Variants in MAP4K4 observed in about 807,000 individuals in gnomAD.
MAP4K4 encodes mitogen-activated protein kinase kinase kinase kinase 4.
In MAP4K4, 38 loss-of-function variants were observed where a neutral mutation model predicts 189.6. The ratio of observed to expected loss-of-function variants is 0.20; its 90% CI spans 0.15 to 0.26. MAP4K4 has a LOEUF of 0.26. Ranked by LOEUF, MAP4K4 falls within the 10% of genes least tolerant of loss-of-function variation. The pLI, the probability that MAP4K4 is intolerant of heterozygous loss-of-function variation, is 1.00. For synonymous variants in MAP4K4, 610 were observed against 624.3 expected, an observed-to-expected ratio of 0.98 and a Z score of 0.34; for missense variants, 1,054 against 1,726.9, an observed-to-expected ratio of 0.61 and a Z score of 6.91.
intron 5 of MAP4K4, among the ~76,000 whole-genome samples, chr2:101,828,698 A>G (rs1317926741): frequency 6.6e-6 from 1 of 152,222 alleles, no homozygotes; most frequent in African/African-American, 2.4e-5. Context: ...GGATTGAGAC[A>G]TTTTAGAGTA....
chr2:101,721,257 C>A (rs888574886), intron 2 of MAP4K4, among the ~76,000 whole-genome samples: 1 of 151,972 alleles, frequency 6.6e-6, no homozygotes, highest in Non-Finnish European at 1.5e-5. Flanking sequence ...AATTCAAAAT[C>A]CACTTCTGAA....
At chr2:101,893,205 C>T (rs141957396) in exon 33 of MAP4K4, 18 of 456,406 alleles carry the variant, frequency 3.9e-5, no homozygotes, top group African/African-American at 1.8e-4. Flanking sequence ...AAGACAAGTA[C>T]ATCCACTCAT....
chr2:101,886,265 G>A (rs562275546), intron 29 of MAP4K4, among the ~76,000 whole-genome samples: 8 of 152,168 alleles, frequency 5.3e-5, no homozygotes, highest in Middle Eastern at 6.8e-3. Flanking sequence ...TTTCATTATC[G>A]TAGTCTCGTG....
At chr2:101,840,096 G>T in intron 10 of MAP4K4, 102 bp downstream of exon 10, 1 of 1,147,292 alleles carries the variant, frequency 8.7e-7, no homozygotes, top group East Asian at 2.5e-5. Context: ...GTGCTCACTT[G>T]GCCAGTGCTT....
chr2:101,822,374 A>T (rs875565), intron 3 of MAP4K4, among the ~76,000 whole-genome samples: 36,930 of 152,050 alleles, frequency 0.24, 5,433 homozygotes, highest in Non-Finnish European at 0.31. Context: ...CTAAAACGTT[A>T]TGTAGTGCAT....
At chr2:101,879,547 A>T (rs958125395) in intron 27 of MAP4K4, among the ~76,000 whole-genome samples, 1 of 152,162 alleles carries the variant, frequency 6.6e-6, no homozygotes, top group African/African-American at 2.4e-5. Context: ...CCTGCAAACA[A>T]TTCCCCAAAA....
chr2:101,894,539 C>T (rs1415305998), exon 33 of MAP4K4: 1 of 152,780 alleles, frequency 6.5e-6, no homozygotes, highest in African/African-American at 2.4e-5. Flanking sequence ...TGACAAACTG[C>T]ATTAAATTTA....
At chr2:101,740,445 C>G (rs1380948835) in intron 2 of MAP4K4, among the ~76,000 whole-genome samples, 1 of 102,534 alleles carries the variant, frequency 9.8e-6, no homozygotes, top group Non-Finnish European at 1.7e-5. Flanking sequence ...TGAGCCACCG[C>G]GCCCGGCCGC....
chr2:101,814,565 C>G (rs1278239071), intron 3 of MAP4K4, among the ~76,000 whole-genome samples: 1 of 152,154 alleles, frequency 6.6e-6, no homozygotes, highest in Non-Finnish European at 1.5e-5. Flanking sequence ...TTGAAAGTAA[C>G]AAAATGGTAG....
chr2:101,769,735 C>G (rs375480104), intron 2 of MAP4K4, among the ~76,000 whole-genome samples: 9 of 152,146 alleles, frequency 5.9e-5, no homozygotes, highest in Non-Finnish European at 1.0e-4. Flanking sequence ...AGGTGCCCAC[C>G]ACCACACCCA....
chr2:101,737,457 ATATATTTTTTTTTTT>A (rs1483475282), intron 2 of MAP4K4, among the ~76,000 whole-genome samples: 3 of 34,716 alleles, frequency 8.6e-5, no homozygotes, highest in African/African-American at 4.8e-4. Context: ...ATATATATAT[ATATATTTTTTTTTTT>A]TTTTTTTTTT....
At chr2:101,864,855 T>A (rs1357231451) in intron 17 of MAP4K4, 75 bp from the exon 18 acceptor site, 1 of 971,310 alleles carries the variant, frequency 1.0e-6, no homozygotes, top group East Asian at 2.6e-5. Context: ...GCTTTAAAAA[T>A]ATATTTTGGT....
intron 2 of MAP4K4, among the ~76,000 whole-genome samples, chr2:101,762,713 A>G (rs537260858): frequency 2.0e-5 from 3 of 152,176 alleles, no homozygotes; most frequent in Non-Finnish European, 4.4e-5. Context: ...GTGTTGCACA[A>G]AGCTGTACTG....
At chr2:101,800,206 T>G (rs1237068048) in intron 3 of MAP4K4, among the ~76,000 whole-genome samples, 1 of 152,164 alleles carries the variant, frequency 6.6e-6, no homozygotes, top group Non-Finnish European at 1.5e-5. Flanking sequence ...CATGGCTTAC[T>G]GCAGCTTCAA....
intron 2 of MAP4K4, among the ~76,000 whole-genome samples, chr2:101,707,881 T>C (rs1408655974): frequency 6.6e-6 from 1 of 150,450 alleles, no homozygotes; most frequent in Non-Finnish European, 1.5e-5. Context: ...TTTGTATTTT[T>C]AGTAGAGATG....
At chr2:101,698,729 C>T (rs1325137303) in intron 2 of MAP4K4, among the ~76,000 whole-genome samples, 191 bp downstream of exon 2, 1 of 152,126 alleles carries the variant, frequency 6.6e-6, no homozygotes, top group Non-Finnish European at 1.5e-5. Flanking sequence ...CCTTAAAAGA[C>T]CTCATTTCCT....
At chr2:101,859,601 C>G in intron 14 of MAP4K4, 42 bp from the exon 15 acceptor site, 1 of 1,423,268 alleles carries the variant, frequency 7.0e-7, no homozygotes. Flanking sequence ...GGCGAGCTCT[C>G]CAGTGTCCCA....
intron 2 of MAP4K4, among the ~76,000 whole-genome samples, chr2:101,744,829 C>G (rs1373358672): frequency 6.6e-6 from 1 of 152,110 alleles, no homozygotes; most frequent in Middle Eastern, 3.2e-3. Context: ...CCTTTAAAGC[C>G]TCTGTTATTT....
intron 17 of MAP4K4, among the ~76,000 whole-genome samples, chr2:101,864,617 A>C (rs960943325): frequency 1.3e-5 from 2 of 152,036 alleles, no homozygotes; most frequent in African/African-American, 4.8e-5. Flanking sequence ...CTTTGAGCTT[A>C]TTTTCCTGAT....
Sources: allele counts gnomAD v4.1 joint callset (sites outside exome capture counted in the v4.1 genomes callset), GRCh38; gene constraint gnomAD v4.1.1; transcripts MANE v1.5; gene names NCBI Gene and HGNC (gene_info 2026-07-23, HGNC 2026-07-21).